Variants in PHTF2 observed in about 807,000 individuals in gnomAD.
PHTF2 encodes the protein putative homeodomain transcription factor 2, also known as protein PHTF2.
In PHTF2, 60 loss-of-function variants were observed where a neutral mutation model predicts 101.2. The ratio of observed to expected loss-of-function variants is 0.59; its 90% CI spans 0.48 to 0.73. The LOEUF (loss-of-function observed/expected upper bound fraction) is 0.73, where lower values mean the gene tolerates loss of function less well. Among genes scored for constraint, PHTF2 ranks in the 30% least tolerant of loss-of-function variants. The pLI, the probability that PHTF2 is intolerant of heterozygous loss-of-function variation, is 0.00. For synonymous variants in PHTF2, 311 were observed against 307.3 expected (o/e 1.01, Z -0.13); for missense variants, 747 against 908.7 (o/e 0.82, Z 2.29).
chr7:77,837,248 C>G lies in PHTF2; in HGVS notation c.-35-2973C>G, dbSNP rs564102102. The stretch of plus-strand genomic sequence containing the variant: ...TTCTGTAAATAAACTTTAATATGAT[C>G]ATTTAACATTAAACCTGAGCTATCA... On this transcript the variant is annotated intron_variant, in intron 1 of 19. Transcript: ENST00000416283. 2.0e-5 allele frequency among the ~76,000 whole-genome samples: 3 copies of G among 152,250 alleles called. No homozygotes were observed. The South Asian group carries it at 6.2e-4, about 32-fold the overall frequency.
intron 5 of PHTF2, among the ~76,000 whole-genome samples, chr7:77,898,502 A>G (rs1260964869): frequency 2.0e-5 from 3 of 152,190 alleles, no homozygotes; most frequent in African/African-American, 7.2e-5. Flanking sequence ...CCAATTTGCA[A>G]AATCTTGGGA....
chr7:77,853,611 C>T (rs946373951), intron 2 of PHTF2, among the ~76,000 whole-genome samples: 1 of 152,064 alleles, frequency 6.6e-6, no homozygotes, highest in African/African-American at 2.4e-5. Context: ...CCCGGCTGGT[C>T]TCAAACTTCT....
At chr7:77,884,791 C>T (rs149761043) in intron 3 of PHTF2, among the ~76,000 whole-genome samples, 36 of 152,184 alleles carry the variant, frequency 2.4e-4, no homozygotes, top group East Asian at 2.1e-3. Flanking sequence ...CCCAGTTACT[C>T]GGGAGGCTGA....
intron 2 of PHTF2, among the ~76,000 whole-genome samples, chr7:77,850,326 A>T (rs1302080438): frequency 7.3e-6 from 1 of 136,532 alleles, no homozygotes; most frequent in East Asian, 2.1e-4. Flanking sequence ...CCACCACTGC[A>T]CTCTAGCCTG....
chr7:77,860,128 G>T (rs1470512574), intron 3 of PHTF2, among the ~76,000 whole-genome samples: 1 of 152,048 alleles, frequency 6.6e-6, no homozygotes, highest in Non-Finnish European at 1.5e-5. Context: ...ATAAATTATT[G>T]ATTGTCTCTT....
At chr7:77,841,979 A>G (rs1795922516) in intron 2 of PHTF2, among the ~76,000 whole-genome samples, 1 of 152,182 alleles carries the variant, frequency 6.6e-6, no homozygotes, top group Non-Finnish European at 1.5e-5. Flanking sequence ...GATCATTTAT[A>G]GAACATACTT....
At chr7:77,897,281 A>G (rs1800956150) in intron 5 of PHTF2, among the ~76,000 whole-genome samples, 1 of 140,780 alleles carries the variant, frequency 7.1e-6, no homozygotes, top group Admixed American at 7.7e-5. Flanking sequence ...CTAAACTTAA[A>G]CAGCCCATTT....
intron 7 of PHTF2, among the ~76,000 whole-genome samples, chr7:77,902,269 G>A (rs1218514089): frequency 2.0e-5 from 3 of 152,084 alleles, no homozygotes; most frequent in East Asian, 3.8e-4. Context: ...CATAGGTATA[G>A]TTTCTTTTTT....
intron 16 of PHTF2, among the ~76,000 whole-genome samples, chr7:77,947,202 C>T (rs1164471349): frequency 6.6e-6 from 1 of 152,078 alleles, no homozygotes; most frequent in Non-Finnish European, 1.5e-5. Flanking sequence ...GAGAATAATT[C>T]TAACAAAAGA....
chr7:77,817,392 T>C lies in PHTF2; in HGVS notation c.-36+18421T>C, dbSNP rs140283544. On this transcript the variant is annotated intron_variant, in intron 1 of 19. Transcript: ENST00000416283. Reference sequence around the variant, plus strand: ...TAATTTATAAAGGAAAGAGGTTTAATTGACTCACAGTTGAGCATGGCTGGG... The same window carrying C: ...TAATTTATAAAGGAAAGAGGTTTAACTGACTCACAGTTGAGCATGGCTGGG... Among the ~76,000 whole-genome samples the C allele has an allele frequency of 7.0e-3, 1,067 of 152,346 alleles. 6 individuals are homozygous for C. The highest frequency in any genetic ancestry group is 0.024 in the African/African-American group (996 of 41,574).
At chr7:77,897,578 A>G (rs1366422983) in intron 5 of PHTF2, among the ~76,000 whole-genome samples, 1 of 152,126 alleles carries the variant, frequency 6.6e-6, no homozygotes, top group Non-Finnish European at 1.5e-5. Flanking sequence ...ACTGTTTAAC[A>G]GTTCTTGATA....
chr7:77,883,979 T>C lies in PHTF2; in HGVS notation c.148-9629T>C, dbSNP rs529174415. ...AGACTATCTTTTTACATTTCAGTTCTGTGAAATGTGTTTTATTGTCCCCAT... is the reference window on the plus strand; with the variant it reads ...AGACTATCTTTTTACATTTCAGTTCCGTGAAATGTGTTTTATTGTCCCCAT... On this transcript the variant is annotated intron_variant, in intron 3 of 19. Transcript: ENST00000416283. Among the ~76,000 whole-genome samples, 5 of 152,376 alleles carry C rather than the reference T, an allele frequency of 3.3e-5. No homozygotes were observed. In the South Asian group the frequency reaches 1.0e-3, roughly 32 times the overall value.
chr7:77,824,438 T>A (rs1414819227), intron 1 of PHTF2, among the ~76,000 whole-genome samples: 1 of 152,090 alleles, frequency 6.6e-6, no homozygotes, highest in Admixed American at 6.6e-5. Context: ...TAGTTTAGAA[T>A]CTCATCTTAG....
At chr7:77,933,881 T>C (rs1804846335) in intron 12 of PHTF2, among the ~76,000 whole-genome samples, 2 of 152,190 alleles carry the variant, frequency 1.3e-5, no homozygotes, top group South Asian at 4.1e-4. Flanking sequence ...GCAGAGTAAA[T>C]TGCTCCTAAG....
chr7:77,918,286 A>G (rs958471455), intron 9 of PHTF2, among the ~76,000 whole-genome samples: 3 of 151,966 alleles, frequency 2.0e-5, no homozygotes, highest in African/African-American at 7.3e-5. Flanking sequence ...CACTATTTCT[A>G]CTTTGACTGC....
intron 9 of PHTF2, among the ~76,000 whole-genome samples, chr7:77,916,615 T>C (rs1168364173): frequency 6.6e-6 from 1 of 152,096 alleles, no homozygotes; most frequent in Non-Finnish European, 1.5e-5. Flanking sequence ...AGATTGGTTC[T>C]GGGATACCTC....
chr7:77,830,529 A>C (rs966702299), intron 1 of PHTF2, among the ~76,000 whole-genome samples: 2 of 152,162 alleles, frequency 1.3e-5, no homozygotes, highest in Admixed American at 6.5e-5. Context: ...TTAGATTCTC[A>C]TAAGAGTGCG....
chr7:77,857,905 T>C (rs1797315075), intron 3 of PHTF2, among the ~76,000 whole-genome samples: 1 of 152,238 alleles, frequency 6.6e-6, no homozygotes, highest in Non-Finnish European at 1.5e-5. Context: ...CTTAAACTTA[T>C]CAGAGTACTT....
At chr7:77,839,739 T>C (rs1323121319) in intron 1 of PHTF2, among the ~76,000 whole-genome samples, 1 of 152,224 alleles carries the variant, frequency 6.6e-6, no homozygotes, top group African/African-American at 2.4e-5. Flanking sequence ...TTTTGGCTCT[T>C]GGGTTATTTT....
Sources: gnomAD v4.1 joint callset for allele counts (sites outside exome capture counted in the v4.1 genomes callset) on GRCh38, gnomAD v4.1.1 for gene constraint, MANE v1.5 for transcripts, NCBI Gene and HGNC (gene_info 2026-07-23, HGNC 2026-07-21) for gene names.